The following RERE variants were observed in gnomAD, a reference collection of about 807,000 sequenced individuals.
RERE encodes arginine-glutamic acid dipeptide repeats, also known as arginine-glutamic acid dipeptide repeats protein.
Under a neutral mutation model 146.1 loss-of-function variants are expected in RERE, and 40 were observed. That is an observed-to-expected ratio of 0.27 (90% CI 0.21 to 0.36). RERE has a LOEUF of 0.36. Among genes scored for constraint, RERE ranks in the 10% least tolerant of loss-of-function variants. The pLI is 1.00. For missense variants in RERE, 1,933 were observed against 2,138.7 expected, an observed-to-expected ratio of 0.90 and a Z score of 1.90; for synonymous variants, 1,003 against 866.0, an observed-to-expected ratio of 1.16 and a Z score of -2.78.
intron 11 of RERE, chr1:8,465,446 A>G (rs1181553220): frequency 9.4e-6 from 3 of 319,188 alleles, no homozygotes; most frequent in African/African-American, 6.5e-5. Context: ...CAGCTACTTA[A>G]GAAGCTGGGG....
chr1:8,728,789 G>T (rs868421324), intron 1 of RERE, among the ~76,000 whole-genome samples: 1 of 152,162 alleles, frequency 6.6e-6, no homozygotes, highest in Non-Finnish European at 1.5e-5. Flanking sequence ...GCATCCTTTG[G>T]GGCATAAAGT....
chr1:8,352,689 G>A lies in RERE; in HGVS notation c.*2398C>T, dbSNP rs1641142019. ...AGCCAAACCAAACCCCGAACAAAGGGAGGAAAATCCGAAGGAAACCGAGTG... is the reference window on the plus strand; with the variant it reads ...AGCCAAACCAAACCCCGAACAAAGGAAGGAAAATCCGAAGGAAACCGAGTG... On this transcript the variant is annotated 3_prime_UTR_variant, in exon 23 of 23. Transcript: ENST00000400908. 1 of 152,292 alleles carries A rather than the reference G, an allele frequency of 6.6e-6. No individual in the cohort carries two copies. Among genetic ancestry groups the A allele is most frequent in the Non-Finnish European group, 1.5e-5 (1 of 68,048 alleles). The allele number at this position is 152,292 out of a possible 1,614,324, so 9.4% of individuals were successfully genotyped here. A position where few individuals can be genotyped will look rare whatever the true frequency, so the allele number is the denominator to read the frequency against.
At chr1:8,439,947 G>A (rs529307929) in intron 11 of RERE, among the ~76,000 whole-genome samples, 4 of 152,268 alleles carry the variant, frequency 2.6e-5, no homozygotes, top group African/African-American at 7.2e-5. Context: ...GGTGGCAAAC[G>A]CCTGTAATCC....
intron 3 of RERE, among the ~76,000 whole-genome samples, chr1:8,620,724 C>T (rs1646906714): frequency 1.3e-5 from 2 of 151,876 alleles, no homozygotes; most frequent in South Asian, 4.2e-4. Context: ...TTTTAATCAA[C>T]AATACTTCTT....
At chr1:8,597,300 G>A (rs529075172) in intron 4 of RERE, among the ~76,000 whole-genome samples, 1 of 152,076 alleles carries the variant, frequency 6.6e-6, no homozygotes, top group African/African-American at 2.4e-5. Context: ...TGTTGCCCAG[G>A]CTGGTCTCGA....
chr1:8,397,103 A>AGACT (rs1469155417), intron 12 of RERE, among the ~76,000 whole-genome samples: 1 of 152,228 alleles, frequency 6.6e-6, no homozygotes, highest in African/African-American at 2.4e-5. Context: ...TGAGTCAGAA[A>AGACT]CAGCACAGCA....
chr1:8,675,495 CAAAAAAAAA>C (rs56912804), intron 1 of RERE, among the ~76,000 whole-genome samples: 1 of 90,220 alleles, frequency 1.1e-5, no homozygotes, highest in African/African-American at 4.6e-5. Context: ...CCCATCTCTA[CAAAAAAAAA>C]AAAAAAAAAA....
intron 2 of RERE, among the ~76,000 whole-genome samples, chr1:8,640,557 G>A (rs1557451119): frequency 6.6e-6 from 1 of 152,218 alleles, no homozygotes; most frequent in Non-Finnish European, 1.5e-5. Flanking sequence ...GGTTAAATGA[G>A]TGAACAGTGG....
chr1:8,584,373 T>A (rs1229199658), intron 4 of RERE, among the ~76,000 whole-genome samples: 6 of 151,972 alleles, frequency 3.9e-5, no homozygotes, highest in Non-Finnish European at 8.8e-5. Flanking sequence ...AGCAAGACCC[T>A]ATCTCAACGA....
At chr1:8,654,283 G>A (rs6577516) in intron 2 of RERE, among the ~76,000 whole-genome samples, 88,474 of 151,734 alleles carry the variant, frequency 0.58, 26,331 homozygotes, top group East Asian at 0.81. Flanking sequence ...TCCTCCCGCC[G>A]CCTCAGCCTC....
chr1:8,712,089 G>T (rs1639679071), intron 1 of RERE, among the ~76,000 whole-genome samples: 1 of 152,144 alleles, frequency 6.6e-6, no homozygotes. Flanking sequence ...TCTAGAAAAT[G>T]CCAGAAGACT....
intron 11 of RERE, among the ~76,000 whole-genome samples, chr1:8,437,413 CCTGT>C (rs1301529739): frequency 2.0e-5 from 3 of 152,028 alleles, no homozygotes; most frequent in Non-Finnish European, 2.9e-5. Context: ...AATGCAGATC[CCTGT>C]CTAACAGGTG....
chr1:8,424,951 C>A (rs957996592), intron 11 of RERE: 2 of 152,306 alleles, frequency 1.3e-5, no homozygotes, highest in Admixed American at 6.5e-5. Flanking sequence ...GCAGATAAGA[C>A]GAAAGAGGCA....
intron 2 of RERE, among the ~76,000 whole-genome samples, chr1:8,652,855 C>T (rs1200343720): frequency 6.6e-6 from 1 of 152,140 alleles, no homozygotes; most frequent in African/African-American, 2.4e-5. Context: ...TTCCTATAAT[C>T]ATAGTTCACC....
chr1:8,770,728 C>T (rs1320145967), intron 1 of RERE, among the ~76,000 whole-genome samples: 2 of 152,190 alleles, frequency 1.3e-5, no homozygotes, highest in Non-Finnish European at 2.9e-5. Context: ...TTGGCAATTT[C>T]TACTAAAATC....
chr1:8,686,172 G>A (rs182761200), intron 1 of RERE, among the ~76,000 whole-genome samples: 1 of 152,026 alleles, frequency 6.6e-6, no homozygotes, highest in Non-Finnish European at 1.5e-5. Context: ...TAGTAGAGAC[G>A]GGGTTTTGCC....
At chr1:8,770,961 C>T (rs201484677) in intron 1 of RERE, among the ~76,000 whole-genome samples, 1 of 152,020 alleles carries the variant, frequency 6.6e-6, no homozygotes, top group Non-Finnish European at 1.5e-5. Flanking sequence ...AAAAAATAAA[C>T]TATGTGTGCA....
At chr1:8,644,457 T>A (rs1647235663) in intron 2 of RERE, among the ~76,000 whole-genome samples, 1 of 152,210 alleles carries the variant, frequency 6.6e-6, no homozygotes, top group Admixed American at 6.5e-5. Context: ...AGCCTGTAAT[T>A]ATGTGAGCCA....
intron 4 of RERE, among the ~76,000 whole-genome samples, chr1:8,563,561 A>G (rs1205405532): frequency 6.6e-6 from 1 of 152,236 alleles, no homozygotes; most frequent in African/African-American, 2.4e-5. Context: ...AGAGATATCA[A>G]GGCCAAAGAC....
Sources: gnomAD v4.1 joint callset for allele counts (sites outside exome capture counted in the v4.1 genomes callset) on GRCh38, gnomAD v4.1.1 for gene constraint, MANE v1.5 for transcripts, NCBI Gene and HGNC (gene_info 2026-07-23, HGNC 2026-07-21) for gene names.